ABI3BP: variants seen among roughly 807,000 people sequenced by gnomAD.
ABI3BP encodes target of Nesh-SH3.
In ABI3BP, 216 loss-of-function variants were observed where a neutral mutation model predicts 268.6. That is an observed-to-expected ratio of 0.80 (90% CI 0.72 to 0.90). The LOEUF (loss-of-function observed/expected upper bound fraction) is 0.90. ABI3BP is among the 40% of genes least tolerant of loss of function. The probability of loss-of-function intolerance (pLI) is 0.00; values close to 1 mark genes in which losing one functional copy is unlikely to be tolerated. For missense variants in ABI3BP, 2,090 were observed against 2,182.4 expected, an observed-to-expected ratio of 0.96 and a Z score of 0.84; for synonymous variants, 730 against 730.0, an observed-to-expected ratio of 1.00 and a Z score of 0.00.
intron 4 of ABI3BP, 41 bp from the exon 5 acceptor site, chr3:100,886,364 G>A: frequency 7.6e-7 from 1 of 1,317,156 alleles, no homozygotes. Context: ...AATCACAGAG[G>A]GATTCAGAAT....
At chr3:100,750,659 G>T in intron 67 of ABI3BP, 49 bp from the exon 68 acceptor site, 1 of 1,368,876 alleles carries the variant, frequency 7.3e-7, no homozygotes, top group Non-Finnish European at 1.0e-6. Flanking sequence ...TTATATTTTT[G>T]CCCTCACAGC....
rs376745623 is a variant in ABI3BP at position 100,767,948 on chromosome 3, C to A, written c.4742-1999G>T. 1.5e-4 allele frequency among the ~76,000 whole-genome samples: 22 copies of A among 145,970 alleles called. 1 individual carries two copies. The highest frequency in any genetic ancestry group is 6.2e-4 in the African/African-American group (22 of 35,634). ...TATGACACTCCAGTTGGTTATGCAC[C>A]AAAGCAACCACCTTCAGAAAGCATC... is the stretch of plus-strand genomic sequence containing the variant. On this transcript the variant is annotated intron_variant, in intron 62 of 67. Transcript: ENST00000471714.
In ABI3BP at chr3:100,775,236, G is replaced by T. The variant is rs1203190524; in HGVS notation, c.4433C>A (p.Pro1478Gln). The T allele has an allele frequency of 6.2e-7, 1 of 1,612,104 alleles. No individual in the cohort carries two copies. The highest frequency in any genetic ancestry group is 8.5e-7 in the Non-Finnish European group (1 of 1,179,162). ...LERIETDIKQ[P>Q]TVPASGEELE... ...TTCTTCTCCAGAGGCAGGAACTGTT[G>T]GTTGCTTTATATCTGTCTCTATTCT... The change falls in exon 60 of 68, where the codon CCA becomes CAA. Residue 1478 changes from proline (P) to glutamine (Q), a missense_variant. Physicochemically the swap from Pro to Gln is moderately conservative, Grantham distance 76. Transcript: ENST00000471714.
chr3:100,836,100 G>A (rs2098582500), intron 27 of ABI3BP, among the ~76,000 whole-genome samples: 1 of 152,130 alleles, frequency 6.6e-6, no homozygotes, highest in African/African-American at 2.4e-5. Flanking sequence ...ATTTGTGAGA[G>A]TTGTGCAAAA....
At chr3:100,752,990 G>A in intron 65 of ABI3BP, 42 bp from the exon 66 acceptor site, 4 of 1,521,790 alleles carry the variant, frequency 2.6e-6, no homozygotes, top group Non-Finnish European at 2.7e-6. Flanking sequence ...CTGACTCTTG[G>A]GTCAGATACT....
At chr3:100,963,920 T>G (rs979655305) in intron 1 of ABI3BP, among the ~76,000 whole-genome samples, 9 of 152,240 alleles carry the variant, frequency 5.9e-5, no homozygotes, top group Admixed American at 1.3e-4. Context: ...AAGCCTCCTC[T>G]GACATCCCAG....
At chr3:100,795,209 A>G (rs1333390965) in intron 53 of ABI3BP, among the ~76,000 whole-genome samples, 2 of 152,054 alleles carry the variant, frequency 1.3e-5, no homozygotes, top group Admixed American at 6.6e-5. Flanking sequence ...ACTACATGAC[A>G]TTCTGTTCTT....
At chr3:100,866,084 G>A (rs2099048591) in intron 10 of ABI3BP, among the ~76,000 whole-genome samples, 1 of 152,176 alleles carries the variant, frequency 6.6e-6, no homozygotes, top group African/African-American at 2.4e-5. Context: ...CCAGTTACGA[G>A]TCCAGAAGTT....
chr3:100,817,350 G>A (rs2098086499), intron 42 of ABI3BP, 86 bp downstream of exon 42: 1 of 961,200 alleles, frequency 1.0e-6, no homozygotes, highest in Admixed American at 2.6e-5. Flanking sequence ...GTCCTACAAA[G>A]CTGATGACAA....
chr3:100,794,848 AATGT>A lies in ABI3BP; in HGVS notation c.3946+71_3946+74del. 4 of 1,056,966 alleles carry A rather than the reference AATGT, an allele frequency of 3.8e-6. No individual in the cohort carries two copies. In the South Asian group the frequency reaches 5.8e-5, roughly 15 times the overall value. The allele number at this position is 1,056,966 out of a possible 1,614,324, so 65.5% of individuals were successfully genotyped here. A position where few individuals can be genotyped will look rare whatever the true frequency, so the allele number is the denominator to read the frequency against. The stretch of plus-strand genomic sequence containing the variant: ...TTATTTAGAAAAAATCTGTGAACAT[AATGT>A]ATTATGGTTACTTTAAGGGAAATTC... On this transcript the variant is annotated intron_variant, in intron 54 of 67. Coordinates refer to ENST00000471714, the MANE Select transcript of ABI3BP (RefSeq NM_001375547.2).
At chr3:100,825,901 T>G (rs892856571) in intron 34 of ABI3BP, 57 bp from the exon 35 acceptor site, 82 of 1,283,112 alleles carry the variant, frequency 6.4e-5, no homozygotes, top group Admixed American at 9.9e-5. Context: ...GCTATAGTAT[T>G]CACATCAAAA....
chr3:100,993,046 A>G (rs1424484422), intron 1 of ABI3BP, among the ~76,000 whole-genome samples: 1 of 152,252 alleles, frequency 6.6e-6, no homozygotes, highest in Non-Finnish European at 1.5e-5. Flanking sequence ...GTTAGAAAGT[A>G]TACAGTTCAA....
chr3:100,810,636 T>TA (rs367601033), intron 48 of ABI3BP, among the ~76,000 whole-genome samples, 159 bp from the exon 49 acceptor site: 61 of 150,964 alleles, frequency 4.0e-4, no homozygotes, highest in African/African-American at 8.7e-4. Context: ...TGCATTTGGT[T>TA]AAAAAAAAAT....
At chr3:100,769,392 T>C (rs1275843168) in intron 62 of ABI3BP, among the ~76,000 whole-genome samples, 1 of 152,202 alleles carries the variant, frequency 6.6e-6, no homozygotes, top group Admixed American at 6.5e-5. Context: ...GGATAAAGTA[T>C]ACTCTATCCA....
intron 51 of ABI3BP, among the ~76,000 whole-genome samples, chr3:100,802,614 T>C (rs2097564917): frequency 6.6e-6 from 1 of 152,176 alleles, no homozygotes; most frequent in South Asian, 2.1e-4. Context: ...GCTGGTGTTA[T>C]GCCTAGGAAT....
At chr3:100,916,990 A>G (rs193142046) in intron 2 of ABI3BP, among the ~76,000 whole-genome samples, 4 of 152,370 alleles carry the variant, frequency 2.6e-5, no homozygotes, top group African/African-American at 7.2e-5. Flanking sequence ...CCATGACTCT[A>G]TGCCAGATAA....
rs1166563214 is a variant in ABI3BP, at chr3:100,895,317, G to C, written c.461+3445C>G. 8.5e-5 allele frequency among the ~76,000 whole-genome samples: 13 copies of C among 152,212 alleles called. No homozygotes were observed. The East Asian group carries it at 2.5e-3, about 29-fold the overall frequency. Reference sequence around the variant, plus strand: ...TAGAAAGGAATCTTAAAGCATGGGAGACCCATAAAGACCCTATGCAAATAG... The same window carrying C: ...TAGAAAGGAATCTTAAAGCATGGGACACCCATAAAGACCCTATGCAAATAG... On this transcript the variant is annotated intron_variant, in intron 4 of 67. Transcript: ENST00000471714.
At chr3:100,845,480 C>A (rs1414913576) in intron 20 of ABI3BP, among the ~76,000 whole-genome samples, 4 of 152,138 alleles carry the variant, frequency 2.6e-5, no homozygotes, top group Non-Finnish European at 4.4e-5. Context: ...TTACATTTTT[C>A]TTCCTTAGCC....
intron 6 of ABI3BP, among the ~76,000 whole-genome samples, chr3:100,881,621 T>C (rs1356679278): frequency 6.6e-6 from 1 of 151,646 alleles, no homozygotes; most frequent in African/African-American, 2.4e-5. Context: ...TAAAACCTAA[T>C]AGTAAACATT....
Sources: allele counts gnomAD v4.1 joint callset (sites outside exome capture counted in the v4.1 genomes callset), GRCh38; gene constraint gnomAD v4.1.1; transcripts MANE v1.5; gene names NCBI Gene and HGNC (gene_info 2026-07-23, HGNC 2026-07-21).